The following KIAA1549L variants were observed in gnomAD, a reference collection of about 807,000 sequenced individuals.
KIAA1549L encodes UPF0606 protein KIAA1549L.
A neutral mutation model predicts 160.7 loss-of-function variants in KIAA1549L; 88 were observed. That is an observed-to-expected ratio of 0.55 (90% CI 0.46 to 0.65). The LOEUF is 0.65. KIAA1549L is among the 30% of genes least tolerant of loss of function. The pLI is 0.00. For missense variants in KIAA1549L, 2,258 were observed against 2,437.5 expected, an observed-to-expected ratio of 0.93 and a Z score of 1.55; for synonymous variants, 950 against 976.7, an observed-to-expected ratio of 0.97 and a Z score of 0.51.
intron 16 of KIAA1549L, among the ~76,000 whole-genome samples, chr11:33,625,846 T>C (rs1419549312): frequency 3.3e-5 from 5 of 152,226 alleles, no homozygotes; most frequent in African/African-American, 4.8e-5. Context: ...TGTCTATGTC[T>C]TGAATGGTAA....
chr11:33,550,895 A>G, intron 4 of KIAA1549L, 145 bp from the exon 5 acceptor site: 2 of 707,202 alleles, frequency 2.8e-6, no homozygotes, highest in East Asian at 2.6e-5. Context: ...ACTATGCTTT[A>G]TAGAATTGTT....
intron 1 of KIAA1549L, among the ~76,000 whole-genome samples, chr11:33,524,143 C>T: frequency 6.6e-6 from 1 of 152,088 alleles, no homozygotes; most frequent in East Asian, 1.9e-4. Flanking sequence ...GCTCCTTTTT[C>T]CTATGTTAAT....
At chr11:33,589,242 A>AT (rs1347052319) in intron 11 of KIAA1549L, among the ~76,000 whole-genome samples, 2 of 152,226 alleles carry the variant, frequency 1.3e-5, no homozygotes, top group Non-Finnish European at 2.9e-5. Context: ...AATGGCGATC[A>AT]TTAAAAAGTC....
At chr11:33,390,872 A>G (rs1378780427) in intron 1 of KIAA1549L, among the ~76,000 whole-genome samples, 2 of 152,190 alleles carry the variant, frequency 1.3e-5, no homozygotes, top group South Asian at 2.1e-4. Flanking sequence ...GGAGTTGGGA[A>G]GTGATGCCTC....
intron 16 of KIAA1549L, among the ~76,000 whole-genome samples, chr11:33,635,552 T>C (rs939342792): frequency 6.6e-6 from 1 of 152,174 alleles, no homozygotes; most frequent in Non-Finnish European, 1.5e-5. Context: ...TTACACCCAC[T>C]TGTGTGTCCT....
rs1259908903 is a variant in KIAA1549L, at chr11:33,606,655, G to A, written c.4894G>A (p.Glu1632Lys). 3.1e-6 allele frequency: 5 copies of A among 1,613,884 alleles called. No individual in the cohort carries two copies. The highest frequency in any genetic ancestry group is 1.1e-5 in the South Asian group (1 of 91,054). ...ARKRNVPASD[E>K]EEGAVLFDNS... ...TTGTGCTTCAGTGCCAGCGAGTGAC[G>A]AAGAGGAGGGAGCGGTTCTATTTGA... Residue 1632 changes from glutamate (E) to lysine (K), a missense_variant, in exon 14 of 21, where the codon GAA becomes AAA. Around this residue, in one of 6 missense-constraint regions of KIAA1549L, gnomAD observed 1,359 missense variants for 1,546.6 expected, o/e 0.88. Coordinates refer to ENST00000658780, the MANE Select transcript of KIAA1549L (RefSeq NM_012194.3).
intron 19 of KIAA1549L, 52 bp downstream of exon 19, chr11:33,658,950 G>C (rs1329769711): frequency 6.7e-7 from 1 of 1,485,024 alleles, no homozygotes; most frequent in Non-Finnish European, 9.0e-7. Context: ...GCTGTGCCCT[G>C]TCCTCCCTCA....
chr11:33,650,879 T>C (rs1187571111), intron 17 of KIAA1549L, among the ~76,000 whole-genome samples: 2 of 152,216 alleles, frequency 1.3e-5, no homozygotes, highest in Non-Finnish European at 2.9e-5. Flanking sequence ...AATTTTGTGC[T>C]GTTGCTGATT....
chr11:33,479,686 T>C lies in KIAA1549L; in HGVS notation c.239-62116T>C, dbSNP rs571858334. Among the ~76,000 whole-genome samples, 3 of 152,352 alleles carry C rather than the reference T, an allele frequency of 2.0e-5. No homozygotes were observed. In the East Asian group the frequency reaches 5.8e-4, roughly 29 times the overall value. ...CTTGTGATTCTCAAACCTTTTCTGT[T>C]GTTAAGAGCGTCACCCTAGGTCTGG... On this transcript the variant is annotated intron_variant, in intron 1 of 20. Coordinates refer to ENST00000658780, the MANE Select transcript of KIAA1549L (RefSeq NM_012194.3).
chr11:33,397,147 A>G (rs1405975611), intron 1 of KIAA1549L, among the ~76,000 whole-genome samples: 3 of 148,678 alleles, frequency 2.0e-5, no homozygotes, highest in African/African-American at 7.5e-5. Context: ...CCTGGCCAAT[A>G]TGGTGAAACC....
chr11:33,409,005 C>T (rs1282952396), intron 1 of KIAA1549L, among the ~76,000 whole-genome samples: 1 of 145,008 alleles, frequency 6.9e-6, no homozygotes. Context: ...GAAAAAAAGT[C>T]AGCAACTGCT....
chr11:33,602,761 A>G (rs1251540970), intron 13 of KIAA1549L, among the ~76,000 whole-genome samples: 1 of 152,250 alleles, frequency 6.6e-6, no homozygotes, highest in Non-Finnish European at 1.5e-5. Context: ...TGCTGTGTTC[A>G]TACCACATTT....
chr11:33,464,473 C>CGT (rs1565147863), intron 1 of KIAA1549L, among the ~76,000 whole-genome samples: 50 of 91,426 alleles, frequency 5.5e-4, no homozygotes, highest in South Asian at 4.6e-3. Context: ...GCTGTGTGTG[C>CGT]ATGTGTGTGT....
intron 16 of KIAA1549L, among the ~76,000 whole-genome samples, chr11:33,632,362 C>A (rs539016246): frequency 3.9e-5 from 6 of 152,312 alleles, no homozygotes; most frequent in South Asian, 2.1e-4. Context: ...CTGACTGAGC[C>A]ATCATATGCC....
intron 1 of KIAA1549L, among the ~76,000 whole-genome samples, chr11:33,430,057 TC>T (rs1851204126): frequency 3.8e-5 from 4 of 103,978 alleles, no homozygotes; most frequent in African/African-American, 1.3e-4. Context: ...CTCCCTTCCC[TC>T]TCTCCTCCGT....
intron 1 of KIAA1549L, among the ~76,000 whole-genome samples, chr11:33,533,204 G>A (rs1853815261): frequency 6.6e-6 from 1 of 152,196 alleles, no homozygotes; most frequent in African/African-American, 2.4e-5. Flanking sequence ...AATAATTAGA[G>A]TGTAGCAGCA....
chr11:33,541,071 T>G (rs1392193874), intron 1 of KIAA1549L, among the ~76,000 whole-genome samples: 3 of 152,214 alleles, frequency 2.0e-5, no homozygotes, highest in Non-Finnish European at 4.4e-5. Flanking sequence ...TTTCCTCGCC[T>G]CCTTTTTAGC....
chr11:33,397,078 A>G (rs1476989976), intron 1 of KIAA1549L, among the ~76,000 whole-genome samples: 1 of 151,732 alleles, frequency 6.6e-6, no homozygotes, highest in African/African-American at 2.4e-5. Flanking sequence ...CACGCCTGCA[A>G]TCCCAGCATT....
At chr11:33,663,132 A>G (rs1167855452) in intron 20 of KIAA1549L, among the ~76,000 whole-genome samples, 1 of 152,214 alleles carries the variant, frequency 6.6e-6, no homozygotes, top group Admixed American at 6.5e-5. Context: ...GTCCAGGAAT[A>G]ATGCACACCT....
Sources: gnomAD v4.1 joint callset for allele counts (sites outside exome capture counted in the v4.1 genomes callset) on GRCh38, gnomAD v4.1.1 for gene constraint, gnomAD v4.1.1 regional missense constraint, MANE v1.5 for transcripts, NCBI Gene and HGNC (gene_info 2026-07-23, HGNC 2026-07-21) for gene names.